The following MICAL2 variants were observed in gnomAD, a reference collection of about 807,000 sequenced individuals.
MICAL2 encodes [F-actin]-monooxygenase MICAL2.
Under a neutral mutation model 127.3 loss-of-function variants are expected in MICAL2, and 77 were observed. The observed-to-expected ratio is 0.60, with a 90% CI of 0.50 to 0.73. The LOEUF is 0.73. Among genes scored for constraint, MICAL2 ranks in the 30% least tolerant of loss-of-function variants. The pLI is 0.00. For synonymous variants in MICAL2, 570 were observed against 551.1 expected, an observed-to-expected ratio of 1.03 and a Z score of -0.48; for missense variants, 1,351 against 1,434.4, an observed-to-expected ratio of 0.94 and a Z score of 0.94.
downstream of MICAL2, among the ~76,000 whole-genome samples, chr11:12,293,101 C>T (rs1185166627): frequency 4.6e-5 from 7 of 152,174 alleles, no homozygotes; most frequent in African/African-American, 1.7e-4. Flanking sequence ...AGGAAGAAGC[C>T]TTGGTTTCTT....
intron 3 of MICAL2, among the ~76,000 whole-genome samples, chr11:12,166,949 T>A (rs1300542079): frequency 2.0e-5 from 3 of 151,962 alleles, no homozygotes; most frequent in African/African-American, 7.3e-5. Flanking sequence ...AGGAGGAGTG[T>A]GTGGGGTGCG....
chr11:12,336,249 CTGTT>C (rs550816055), intron 32 of MICAL2, among the ~76,000 whole-genome samples: 4,004 of 152,204 alleles, frequency 0.026, 69 homozygotes, highest in Non-Finnish European at 0.038. Context: ...ATTTGGCTCT[CTGTT>C]TGTCTATTAT....
chr11:12,153,248 A>C (rs1853799064), intron 2 of MICAL2: 1 of 152,014 alleles, frequency 6.6e-6, no homozygotes, highest in Admixed American at 6.6e-5. Context: ...TGCGTTGCCC[A>C]GGCTGGTCTT....
intron 22 of MICAL2, chr11:12,255,410 G>C: frequency 1.9e-6 from 1 of 527,434 alleles, no homozygotes; most frequent in East Asian, 3.2e-5. Flanking sequence ...CATATAAGTG[G>C]AATCCTAGAG....
At chr11:12,156,919 C>G (rs1854253239) in intron 2 of MICAL2, among the ~76,000 whole-genome samples, 2 of 152,256 alleles carry the variant, frequency 1.3e-5, no homozygotes, top group African/African-American at 4.8e-5. Context: ...CGCCAAGGAA[C>G]CTGGGCCTTC....
chr11:12,237,481 A>G (rs555250730), intron 16 of MICAL2, among the ~76,000 whole-genome samples: 2 of 152,146 alleles, frequency 1.3e-5, no homozygotes, highest in South Asian at 4.1e-4. Context: ...GCTCCTGCCT[A>G]TTCCCAAGAA....
At chr11:12,221,192 C>G (rs1163862229) in intron 9 of MICAL2, among the ~76,000 whole-genome samples, 4 of 152,156 alleles carry the variant, frequency 2.6e-5, no homozygotes, top group Non-Finnish European at 5.9e-5. Context: ...TTTCTCCCTC[C>G]CCTCCTCCCA....
intron 3 of MICAL2, among the ~76,000 whole-genome samples, chr11:12,175,200 G>A (rs1399246716): frequency 6.6e-6 from 1 of 151,976 alleles, no homozygotes; most frequent in African/African-American, 2.4e-5. Context: ...GACAAACCGA[G>A]CACGATGGCT....
Position 12,162,276 on chromosome 11 carries a change from C to G in MICAL2, c.121C>G (p.Leu41Val), listed in dbSNP as rs77782413. ...AFNILTRHLD[L>V]DPLDHRNFYS... ...CAACATTCTCACACGACACCTGGACCTAGACCCTCTGGACCACAGAAACTT... is the reference window on the plus strand; with the variant it reads ...CAACATTCTCACACGACACCTGGACGTAGACCCTCTGGACCACAGAAACTT... The change falls in exon 3 of 28, where the codon CTA (leucine) becomes GTA (valine). Residue 41 changes from leucine to valine, a missense_variant. Coordinates refer to ENST00000683283, the MANE Select transcript of MICAL2 (RefSeq NM_001282663.2). 4.3e-4 allele frequency: 693 copies of G among 1,614,242 alleles called. 2 individuals carry two copies. In the African/African-American group the frequency reaches 8.3e-3, roughly 19 times the overall value.
chr11:12,346,020 C>T (rs1466257077), intron 32 of MICAL2, among the ~76,000 whole-genome samples: 1 of 152,322 alleles, frequency 6.6e-6, no homozygotes, highest in East Asian at 1.9e-4. Flanking sequence ...TTACTGTTTT[C>T]CATCTTCCTC....
intron 1 of MICAL2, among the ~76,000 whole-genome samples, chr11:12,135,701 C>T (rs1000108758): frequency 6.6e-6 from 1 of 152,202 alleles, no homozygotes; most frequent in Non-Finnish European, 1.5e-5. Flanking sequence ...TCATAGGGCC[C>T]AAGTTCTTAA....
intron 1 of MICAL2, among the ~76,000 whole-genome samples, chr11:12,126,151 A>G (rs1261916784): frequency 1.3e-5 from 2 of 152,314 alleles, no homozygotes; most frequent in Middle Eastern, 3.4e-3. Context: ...GGATTTTAGG[A>G]CCATTACAGT....
At chr11:12,327,094 G>A (rs778769743) in intron 31 of MICAL2, 7 of 1,289,006 alleles carry the variant, frequency 5.4e-6, no homozygotes, top group African/African-American at 4.4e-5. Context: ...CTTTCTCCTG[G>A]AAAGTAAGTG....
At chr11:12,152,765 A>ATT (rs145577614) in intron 2 of MICAL2, among the ~76,000 whole-genome samples, 9,122 of 152,056 alleles carry the variant, frequency 0.06, 615 homozygotes, top group African/African-American at 0.16. Context: ...GGTAAAAAAT[A>ATT]TTTCATTGAA....
intron 22 of MICAL2, among the ~76,000 whole-genome samples, chr11:12,250,572 G>T (rs1555005276): frequency 6.6e-6 from 1 of 152,196 alleles, no homozygotes; most frequent in Non-Finnish European, 1.5e-5. Flanking sequence ...TGAGATGATT[G>T]CCCTCCTGAA....
At chr11:12,290,518 A>ATT (rs1036178337), downstream of MICAL2, among the ~76,000 whole-genome samples, 4 of 151,768 alleles carry the variant, frequency 2.6e-5, no homozygotes, top group Non-Finnish European at 5.9e-5. Context: ...GGAAGAAGGA[A>ATT]TTTGGCAAAC....
chr11:12,172,238 C>G (rs1044238647), intron 3 of MICAL2, among the ~76,000 whole-genome samples: 3 of 152,220 alleles, frequency 2.0e-5, no homozygotes, highest in African/African-American at 7.2e-5. Context: ...AATGTAAGCT[C>G]CATGGGCACA....
intron 3 of MICAL2, among the ~76,000 whole-genome samples, chr11:12,165,996 G>T (rs530693524): frequency 6.6e-6 from 1 of 152,302 alleles, no homozygotes; most frequent in Non-Finnish European, 1.5e-5. Flanking sequence ...CATGCCAAAT[G>T]AACTCTTTCA....
intron 5 of MICAL2, 75 bp from the exon 6 acceptor site, chr11:12,209,422 G>A (rs1244998770): frequency 8.4e-7 from 1 of 1,190,012 alleles, no homozygotes; most frequent in South Asian, 1.2e-5. Flanking sequence ...ATTTCTCATA[G>A]CCACCACACG....
Sources: gnomAD v4.1 joint callset for allele counts (sites outside exome capture counted in the v4.1 genomes callset) on GRCh38, gnomAD v4.1.1 for gene constraint, MANE v1.5 for transcripts, NCBI Gene and HGNC (gene_info 2026-07-23, HGNC 2026-07-21) for gene names.